Variants in MMP16 observed in about 807,000 individuals in gnomAD.
MMP16 encodes the protein matrix metallopeptidase 16.
Under a neutral mutation model 67.8 loss-of-function variants are expected in MMP16, and 12 were observed. The ratio of observed to expected loss-of-function variants is 0.18; its 90% CI spans 0.11 to 0.29. The LOEUF (loss-of-function observed/expected upper bound fraction) is 0.29. Ranked by LOEUF, MMP16 falls within the 10% of genes least tolerant of loss-of-function variation. The probability of loss-of-function intolerance (pLI) is 1.00; values close to 1 mark genes in which losing one functional copy is unlikely to be tolerated. For missense variants in MMP16, 475 were observed against 765.7 expected, an observed-to-expected ratio of 0.62 and a Z score of 4.48; for synonymous variants, 249 against 255.9, an observed-to-expected ratio of 0.97 and a Z score of 0.26.
At chr8:88,322,678 A>G (rs898584365) in intron 1 of MMP16, among the ~76,000 whole-genome samples, 14 of 151,966 alleles carry the variant, frequency 9.2e-5, no homozygotes, top group African/African-American at 3.4e-4. Context: ...AAATTAAAAA[A>G]AAAAAAAGAA....
intron 7 of MMP16, among the ~76,000 whole-genome samples, chr8:88,061,127 TACACAC>T (rs149547108): frequency 0.12 from 17,844 of 143,012 alleles, 2,067 homozygotes; most frequent in African/African-American, 0.31. Flanking sequence ...CTGAATATTA[TACACAC>T]ACACACACAC....
chr8:88,324,291 T>A (rs1309437687), intron 1 of MMP16, among the ~76,000 whole-genome samples: 2 of 152,136 alleles, frequency 1.3e-5, no homozygotes, highest in African/African-American at 2.4e-5. Context: ...CTCACTTCGA[T>A]AATTGACAAC....
intron 5 of MMP16, 22 bp downstream of exon 5, chr8:88,118,678 A>T: frequency 1.2e-6 from 2 of 1,605,960 alleles, no homozygotes; most frequent in Non-Finnish European, 1.7e-6. Context: ...GGATTAAGCA[A>T]ATTGAAACAG....
chr8:88,127,444 T>A (rs2118461889), intron 4 of MMP16, among the ~76,000 whole-genome samples: 1 of 151,896 alleles, frequency 6.6e-6, no homozygotes, highest in Middle Eastern at 3.4e-3. Flanking sequence ...GGAGTTGAAA[T>A]GAGCAATGGA....
chr8:88,325,217 C>CT (rs1352488319), intron 1 of MMP16, among the ~76,000 whole-genome samples: 1 of 152,148 alleles, frequency 6.6e-6, no homozygotes, highest in Non-Finnish European at 1.5e-5. Context: ...ACAATCATAA[C>CT]TTTTTTGCAT....
chr8:88,226,906 AT>A (rs1377423673), intron 1 of MMP16, among the ~76,000 whole-genome samples: 1 of 150,276 alleles, frequency 6.7e-6, no homozygotes, highest in Non-Finnish European at 1.5e-5. Flanking sequence ...TTATTTATTT[AT>A]TTATTCTCTC....
intron 4 of MMP16, among the ~76,000 whole-genome samples, chr8:88,162,733 G>A (rs1808649875): frequency 6.6e-6 from 1 of 152,062 alleles, no homozygotes; most frequent in African/African-American, 2.4e-5. Flanking sequence ...GTTCTAACGA[G>A]ATCTGGTTGT....
chr8:88,084,160 G>C (rs1333405880), intron 6 of MMP16, among the ~76,000 whole-genome samples: 1 of 151,980 alleles, frequency 6.6e-6, no homozygotes, highest in Admixed American at 6.6e-5. Flanking sequence ...GCAAAGTTAT[G>C]TCAGTTGCCA....
intron 1 of MMP16, among the ~76,000 whole-genome samples, chr8:88,260,752 T>A (rs1810376249): frequency 1.3e-5 from 2 of 152,132 alleles, no homozygotes; most frequent in African/African-American, 4.8e-5. Context: ...AAAAAATATA[T>A]GAAGTATAAA....
intron 1 of MMP16, among the ~76,000 whole-genome samples, chr8:88,285,071 C>A (rs1305845859): frequency 6.6e-6 from 1 of 152,056 alleles, no homozygotes; most frequent in African/African-American, 2.4e-5. Context: ...TTTATTTGTC[C>A]ATCTTCCTGA....
chr8:88,263,516 A>T (rs2129954464), intron 1 of MMP16, among the ~76,000 whole-genome samples: 1 of 152,304 alleles, frequency 6.6e-6, no homozygotes, highest in African/African-American at 2.4e-5. Context: ...ATTGTCTCAT[A>T]GTGCTAGAAG....
At chr8:88,143,553 T>C (rs1808245814) in intron 4 of MMP16, among the ~76,000 whole-genome samples, 1 of 152,100 alleles carries the variant, frequency 6.6e-6, no homozygotes, top group African/African-American at 2.4e-5. Flanking sequence ...AAGAATTCAT[T>C]ATGTTCTTAA....
At chr8:88,170,500 T>C (rs1006543146) in intron 3 of MMP16, among the ~76,000 whole-genome samples, 1 of 152,150 alleles carries the variant, frequency 6.6e-6, no homozygotes, top group Non-Finnish European at 1.5e-5. Context: ...ATTTCAGAAC[T>C]CCCTCATTAG....
At chr8:88,314,404 T>C (rs1811346109) in intron 1 of MMP16, among the ~76,000 whole-genome samples, 2 of 152,180 alleles carry the variant, frequency 1.3e-5, no homozygotes, top group Non-Finnish European at 1.5e-5. Flanking sequence ...GTCGTATGCC[T>C]GACAATTTTT....
In MMP16 at chr8:88,269,032, G is replaced by A. The variant is rs151012498; in HGVS notation, c.132+58043C>T. On this transcript the variant is annotated intron_variant, in intron 1 of 9. Transcript: ENST00000286614. ...GTAAAAAGCAGCAATCCAGACTGAA[G>A]CACTCAGTTTTATATATAACAGACA... Among the ~76,000 whole-genome samples the A allele has an allele frequency of 2.2e-4, 33 of 152,136 alleles. 2 individuals are homozygous for A. The highest frequency in any genetic ancestry group is 3.4e-3 in the Middle Eastern group (1 of 294).
At chr8:88,089,631 T>C (rs1280279869) in intron 6 of MMP16, among the ~76,000 whole-genome samples, 4 of 151,888 alleles carry the variant, frequency 2.6e-5, no homozygotes, top group Non-Finnish European at 5.9e-5. Flanking sequence ...TACATGGGGA[T>C]TCAGAAGGGT....
chr8:88,141,603 A>C (rs1222937961), intron 4 of MMP16, among the ~76,000 whole-genome samples: 1 of 152,190 alleles, frequency 6.6e-6, no homozygotes, highest in Non-Finnish European at 1.5e-5. Context: ...GAATCTACTT[A>C]ATAGAGGTAC....
At chr8:88,317,034 A>G (rs538571357) in intron 1 of MMP16, among the ~76,000 whole-genome samples, 175 of 152,324 alleles carry the variant, frequency 1.1e-3, no homozygotes, top group Non-Finnish European at 2.3e-3. Context: ...CTTCTTACAG[A>G]TAAGCAAAGA....
At chr8:88,289,648 T>C (rs1244554211) in intron 1 of MMP16, among the ~76,000 whole-genome samples, 1 of 151,640 alleles carries the variant, frequency 6.6e-6, no homozygotes, top group Non-Finnish European at 1.5e-5. Context: ...AGTTGCCGTG[T>C]ACTCTGAATT....
Sources: gnomAD v4.1 joint callset for allele counts (sites outside exome capture counted in the v4.1 genomes callset) on GRCh38, gnomAD v4.1.1 for gene constraint, MANE v1.5 for transcripts, NCBI Gene and HGNC (gene_info 2026-07-23, HGNC 2026-07-21) for gene names.